The following KMT2B variants were observed in gnomAD, a reference collection of about 807,000 sequenced individuals.
KMT2B encodes lysine methyltransferase 2B, also known as histone-lysine N-methyltransferase 2B.
A neutral mutation model predicts 255.3 loss-of-function variants in KMT2B; 22 were observed. The ratio of observed to expected loss-of-function variants is 0.09; its 90% CI spans 0.06 to 0.12. The LOEUF (loss-of-function observed/expected upper bound fraction) is 0.12. Ranked by LOEUF, KMT2B falls within the 10% of genes least tolerant of loss-of-function variation. KMT2B has a pLI of 1.00. For missense variants in KMT2B, 3,149 were observed against 3,737.0 expected (o/e 0.84, Z 4.10); for synonymous variants, 1,730 against 1,498.1 (o/e 1.15, Z -3.57).
Position 35,733,040 on chromosome 19 carries a change from C to T in KMT2B, c.6491C>T (p.Ala2164Val). The T allele has an allele frequency of 1.3e-6, 2 of 1,588,770 alleles. No homozygotes were observed. The highest frequency in any genetic ancestry group is 1.7e-6 in the Non-Finnish European group (2 of 1,167,672). Reference protein sequence around the residue: ...ASPADPTRTFAWLPGAPGVRV... With the variant: ...ASPADPTRTFVWLPGAPGVRV... ...CCAGCTGACCCCACCCGCACATTTG[C>T]CTGGCTCCCAGGGGCCCCAGGGGTC... is the stretch of plus-strand genomic sequence containing the variant. The change falls in exon 28 of 37, where the codon GCC becomes GTC. Residue 2164 changes from alanine (A) to valine (V), a missense_variant. Physicochemically the swap from Ala to Val is moderately conservative, Grantham distance 64. Coordinates refer to ENST00000420124, the MANE Select transcript of KMT2B (RefSeq NM_014727.3). This position sits in a 1 kb window ranked among gnomAD's most constrained non-coding sequence, Gnocchi z 4.3.
At position 35,732,059 on chromosome 19, in the gene KMT2B, T is replaced by G. The variant is rs747165687; in HGVS notation, c.5589T>G (p.Ala1863=). The G allele has an allele frequency of 3.1e-6, 5 of 1,611,320 alleles. No homozygotes were observed. The highest frequency in any genetic ancestry group is 4.5e-5 in the East Asian group (2 of 44,734). The change falls in exon 27 of 37, where the codon GCT becomes GCG. Residue 1863 remains alanine (A), a synonymous_variant. Coordinates refer to ENST00000420124, the MANE Select transcript of KMT2B (RefSeq NM_014727.3). ...PPPAPRSFSG[A]RIKVPNYSPS... Reference sequence around the variant, plus strand: ...CAGCCCCCCGTTCTTTTTCGGGGGCTCGAATCAAAGTGCCCAACTACTCGC... The same window carrying G: ...CAGCCCCCCGTTCTTTTTCGGGGGCGCGAATCAAAGTGCCCAACTACTCGC...
Position 35,720,086 on chromosome 19 carries a change from A to G in KMT2B, c.739A>G (p.Ile247Val), listed in dbSNP as rs764994644. 16 of 1,604,612 alleles carry G rather than the reference A, an allele frequency of 1.0e-5. No homozygotes were observed. Among genetic ancestry groups the G allele is most frequent in the African/African-American group, 2.7e-5 (2 of 74,736 alleles). Residue 247 changes from isoleucine to valine, a missense_variant, in exon 3 of 37, where the codon ATC (isoleucine) becomes GTC (valine). Ile to Val is a conservative substitution (Grantham distance 29). This residue lies in a region of KMT2B where 1,188 missense variants were observed against 1,106.4 expected (regional missense o/e 1.07). Coordinates refer to ENST00000420124, the MANE Select transcript of KMT2B (RefSeq NM_014727.3). ...AGTGGTGGCAGAAGCAGCTGTGACA[A>G]TCCCCAAACCTGAGCCCCCACCTCC... The part of the protein sequence containing the change: ...AVVVAEAAVT[I>V]PKPEPPPPVV...
intron 8 of KMT2B, 26 bp from the exon 9 acceptor site, chr19:35,724,611 C>T (rs1390646496): frequency 6.4e-7 from 1 of 1,561,058 alleles, no homozygotes; most frequent in Non-Finnish European, 8.7e-7. Flanking sequence ...GGGGAGTGAC[C>T]TCACTGCTCA....
At chr19:35,719,677 C>A in intron 2 of KMT2B, 107 bp from the exon 3 acceptor site, 1 of 1,514,584 alleles carries the variant, frequency 6.6e-7, no homozygotes, top group Admixed American at 2.0e-5. Context: ...CTAGTCTGGG[C>A]AGCGGGGGAA....
In KMT2B at chr19:35,723,962, C is replaced by G; in HGVS notation, c.3289C>G (p.Pro1097Ala). ...CTTCGAGGATTCGGATGACTCGGAG[C>G]CCGGGGGCCCCCCTGCTCCTCGGCG... ...DIFEDSDDSEPGGPPAPRRRT... is the reference protein window; with the variant it reads ...DIFEDSDDSEAGGPPAPRRRT... The change falls in exon 8 of 37, where the codon CCC becomes GCC. Residue 1097 changes from proline (P) to alanine (A), a missense_variant. Pro to Ala is a conservative substitution (Grantham distance 27). Around this residue, in one of 18 missense-constraint regions of KMT2B, gnomAD observed 136 missense variants for 137.3 expected, o/e 0.99. Transcript: ENST00000420124. The surrounding 1 kb of genome is among the most constrained non-coding windows in gnomAD (Gnocchi z 7.5). The G allele has an allele frequency of 6.2e-7, 1 of 1,609,828 alleles. No homozygotes were observed. The highest frequency in any genetic ancestry group is 8.5e-7 in the Non-Finnish European group (1 of 1,177,986).
chr19:35,736,891 C>G (rs1386105146), intron 31 of KMT2B, 21 bp from the exon 32 acceptor site: 2 of 1,613,830 alleles, frequency 1.2e-6, no homozygotes, highest in Non-Finnish European at 8.5e-7. Flanking sequence ...TGACTCAGCT[C>G]TGGCTCTGCT....
At position 35,731,853 on chromosome 19, in the gene KMT2B, G is replaced by A; in HGVS notation, c.5438-55G>A. ...TAGTGGCTCAGGATGAGAGCATGTG[G>A]GCAGGCTTTGACACAGAGCCCCTAC... On this transcript the variant is annotated intron_variant, in intron 26 of 36. Transcript: ENST00000420124. The A allele has an allele frequency of 3.0e-6, 4 of 1,326,010 alleles. No individual in the cohort carries two copies. The Admixed American group carries it at 5.2e-5, about 17-fold the overall frequency. The allele number at this position is 1,326,010 out of a possible 1,614,324, so 82.1% of individuals were successfully genotyped here. A position where few individuals can be genotyped will look rare whatever the true frequency, so the allele number is the denominator to read the frequency against.
At position 35,732,318 on chromosome 19, in the gene KMT2B, G is replaced by A. The variant is rs375845181; in HGVS notation, c.5769G>A (p.Pro1923=). 1.6e-5 allele frequency: 25 copies of A among 1,610,602 alleles called. No homozygotes were observed. Among genetic ancestry groups the A allele is most frequent in the South Asian group, 1.5e-4 (14 of 90,384 alleles). The change falls in exon 28 of 37, where the codon CCG becomes CCA. Residue 1923 remains proline, a synonymous_variant. Coordinates refer to ENST00000420124, the MANE Select transcript of KMT2B (RefSeq NM_014727.3). ...SRRPSPLAPR[P]PPSRWASPPL... ...GTCCCAGCCCTTTGGCTCCCAGGCC[G>A]CCTCCATCACGGTGGGCCTCCCCTC...
Position 35,718,340 on chromosome 19 carries a change from G to A in KMT2B, c.322G>A (p.Val108Met). 3.2e-6 allele frequency: 4 copies of A among 1,259,766 alleles called. No individual in the cohort carries two copies. Among genetic ancestry groups the A allele is most frequent in the Non-Finnish European group, 4.0e-6 (4 of 995,714 alleles). The allele number at this position is 1,259,766 out of a possible 1,614,324, so 78.0% of individuals were successfully genotyped here. The change falls in exon 1 of 37, where the codon GTG becomes ATG. Residue 108 changes from valine to methionine, a missense_variant. This residue lies in a region of KMT2B where 1,188 missense variants were observed against 1,106.4 expected (regional missense o/e 1.07). Transcript: ENST00000420124. The surrounding 1 kb of genome is among the most constrained non-coding windows in gnomAD (Gnocchi z 5.0). ...GRGWGPSRGC[V>M]PEEESSDGES... ...GGGCTGGGGCCCGAGTCGAGGCTGC[G>A]TGCCGGAGGAGGAGAGCAGTGACGG...
chr19:35,721,826 A>G (rs1488325656), intron 3 of KMT2B, 22 bp downstream of exon 3: 1 of 1,539,452 alleles, frequency 6.5e-7, no homozygotes, highest in South Asian at 1.2e-5. Context: ...CCCTGGGCCC[A>G]GCGGCACACC....
Position 35,727,318 on chromosome 19 carries a change from C to CT in KMT2B, c.4117+50dup. 1 of 1,571,348 alleles carries CT rather than the reference C, an allele frequency of 6.4e-7. No individual in the cohort carries two copies. The highest frequency in any genetic ancestry group is 8.8e-7 in the Non-Finnish European group (1 of 1,142,022). ...TGCAGCCTCAACCCTGTGGGGACCC[C>CT]TGCCCCCACCACAGGCCCCAAGAGG... On this transcript the variant is annotated intron_variant, in intron 15 of 36. Transcript: ENST00000420124. This position sits in a 1 kb window ranked among gnomAD's most constrained non-coding sequence, Gnocchi z 4.2.
Position 35,732,308 on chromosome 19 carries a change from C to G in KMT2B, c.5759C>G (p.Ala1920Gly). 1 of 1,611,200 alleles carries G rather than the reference C, an allele frequency of 6.2e-7. No homozygotes were observed. Among genetic ancestry groups the G allele is most frequent in the East Asian group, 2.2e-5 (1 of 44,722 alleles). ...CGTTCCCGTCGTCCCAGCCCTTTGG[C>G]TCCCAGGCCGCCTCCATCACGGTGG... ...PRRSRRPSPL[A>G]PRPPPSRWAS... The change falls in exon 28 of 37, where the codon GCT becomes GGT. Residue 1920 changes from alanine (A) to glycine (G), a missense_variant. Coordinates refer to ENST00000420124, the MANE Select transcript of KMT2B (RefSeq NM_014727.3).
At chr19:35,726,453 A>G (rs1387911083) in intron 14 of KMT2B, 100 bp downstream of exon 14, 12 of 784,102 alleles carry the variant, frequency 1.5e-5, no homozygotes, top group Non-Finnish European at 2.5e-5. Flanking sequence ...ATGGCTTTCC[A>G]CCTTGTAGCT....
intron 22 of KMT2B, among the ~76,000 whole-genome samples, chr19:35,729,637 A>G (rs1182990522): frequency 2.6e-5 from 4 of 151,856 alleles, no homozygotes; most frequent in Non-Finnish European, 5.9e-5. Flanking sequence ...GGCCAGGTAC[A>G]GAGAGACCTC....
chr19:35,723,546 G>A lies in KMT2B; in HGVS notation c.3058+44G>A, dbSNP rs1461742641. 2 of 1,527,396 alleles carry A rather than the reference G, an allele frequency of 1.3e-6. No individual in the cohort carries two copies. Among genetic ancestry groups the A allele is most frequent in the Admixed American group, 4.1e-5 (2 of 49,024 alleles). The allele number at this position is 1,527,396 out of a possible 1,614,324, so 94.6% of individuals were successfully genotyped here. A position where few individuals can be genotyped will look rare whatever the true frequency, so the allele number is the denominator to read the frequency against. On this transcript the variant is annotated intron_variant, in intron 7 of 36. Coordinates refer to ENST00000420124, the MANE Select transcript of KMT2B (RefSeq NM_014727.3). This position sits in a 1 kb window ranked among gnomAD's most constrained non-coding sequence, Gnocchi z 7.5. Reference sequence around the variant, plus strand: ...CATTTCTTCTCAAAACCGTGTTAGAGTTTGTGCTGTGGAGGGAGCTGTTTT... The same window carrying A: ...CATTTCTTCTCAAAACCGTGTTAGAATTTGTGCTGTGGAGGGAGCTGTTTT...
chr19:35,725,690 A>G lies in KMT2B; in HGVS notation c.3790-33A>G. The G allele has an allele frequency of 6.2e-7, 1 of 1,613,116 alleles. No homozygotes were observed. Among genetic ancestry groups the G allele is most frequent in the Non-Finnish European group, 8.5e-7 (1 of 1,179,506 alleles). ...AAGGTGAGGGCATCCCTGTGCCAGC[A>G]GGTTTCGCCATCTCTGTCTCCACAT... is the stretch of plus-strand genomic sequence containing the variant. On this transcript the variant is annotated intron_variant, in intron 12 of 36. Transcript: ENST00000420124. This position sits in a 1 kb window ranked among gnomAD's most constrained non-coding sequence, Gnocchi z 4.1.
rs568564394 is a variant in KMT2B at position 35,722,895 on chromosome 19, CT to C, written c.2723-99del. On this transcript the variant is annotated intron_variant, in intron 5 of 36. Transcript: ENST00000420124. ...ATTTGGGGGCACCAGGAACCTGGCG[CT>C]GTGAGAAAGCGAGAGCCAGGTTGTG... 165 of 1,438,088 alleles carry C rather than the reference CT, an allele frequency of 1.1e-4. No homozygotes were observed. In the African/African-American group the frequency reaches 2.1e-3, roughly 18 times the overall value. 89.1% of individuals were successfully genotyped at this position (1,438,088 alleles called of 1,614,324 possible).
At position 35,720,837 on chromosome 19, in the gene KMT2B, C is replaced by T. The variant is rs780178514; in HGVS notation, c.1490C>T (p.Pro497Leu). Residue 497 changes from proline (P) to leucine (L), a missense_variant, in exon 3 of 37, where the codon CCA becomes CTA. Around this residue, in one of 18 missense-constraint regions of KMT2B, gnomAD observed 1,188 missense variants for 1,106.4 expected, o/e 1.07. Transcript: ENST00000420124. ...CCAGAGGGCACCTCTCCTCCCACTC[C>T]AACCCCCAGCACCGCCACGGGAGGC... is the stretch of plus-strand genomic sequence containing the variant. The part of the protein sequence containing the change: ...AGPEGTSPPT[P>L]TPSTATGGPP... 5 of 1,554,652 alleles carry T rather than the reference C, an allele frequency of 3.2e-6. No homozygotes were observed. The highest frequency in any genetic ancestry group is 3.5e-6 in the Non-Finnish European group (4 of 1,148,936).
Position 35,723,626 on chromosome 19 carries a change from T to C in KMT2B, c.3059-106T>C. On this transcript the variant is annotated intron_variant, in intron 7 of 36. Transcript: ENST00000420124. The surrounding 1 kb of genome is among the most constrained non-coding windows in gnomAD (Gnocchi z 7.5). ...TCTCCATCTTCTCCGTTGTGTGCTT[T>C]CATAGCTCCTGCGTTCATTCCCTGC... 2.3e-6 allele frequency: 3 copies of C among 1,303,614 alleles called. No individual in the cohort carries two copies. The East Asian group carries it at 7.5e-5, about 33-fold the overall frequency. The allele number at this position is 1,303,614 out of a possible 1,614,324, so 80.8% of individuals were successfully genotyped here. A position where few individuals can be genotyped will look rare whatever the true frequency, so the allele number is the denominator to read the frequency against.
Sources: allele counts gnomAD v4.1 joint callset (sites outside exome capture counted in the v4.1 genomes callset), GRCh38; gene constraint gnomAD v4.1.1; regional missense constraint gnomAD v4.1.1; non-coding constraint Gnocchi (gnomAD v3.1); transcripts MANE v1.5; gene names NCBI Gene and HGNC (gene_info 2026-07-23, HGNC 2026-07-21).